The following ZNF354A variants were observed in gnomAD, a reference collection of about 807,000 sequenced individuals.
ZNF354A encodes the protein epididymis luminal protein 104.
A neutral mutation model predicts 53.3 loss-of-function variants in ZNF354A; 25 were observed. The observed-to-expected ratio is 0.47, with a 90% CI of 0.34 to 0.66. The LOEUF is 0.66. Ranked by LOEUF, ZNF354A falls within the 30% of genes least tolerant of loss-of-function variation. The probability of loss-of-function intolerance (pLI) is 0.01; values close to 1 mark genes in which losing one functional copy is unlikely to be tolerated. For missense variants in ZNF354A, 586 were observed against 716.8 expected, an observed-to-expected ratio of 0.82 and a Z score of 2.08; for synonymous variants, 228 against 249.0, an observed-to-expected ratio of 0.92 and a Z score of 0.79.
intron 2 of ZNF354A, among the ~76,000 whole-genome samples, chr5:178,728,243 A>C (rs1423028842): frequency 6.6e-6 from 1 of 152,220 alleles, no homozygotes; most frequent in South Asian, 2.1e-4. Flanking sequence ...CTACTCTGTA[A>C]AACTGCCTTT....
chr5:178,724,510 C>T (rs1765869105), intron 4 of ZNF354A, among the ~76,000 whole-genome samples: 2 of 152,194 alleles, frequency 1.3e-5, no homozygotes, highest in African/African-American at 4.8e-5. Context: ...CAGGCGTGAG[C>T]CACCGTGCCC....
At chr5:178,716,794 C>T (rs886969526) in intron 4 of ZNF354A, among the ~76,000 whole-genome samples, 9 of 151,950 alleles carry the variant, frequency 5.9e-5, no homozygotes, top group African/African-American at 1.2e-4. Flanking sequence ...AAGCCTGGAA[C>T]GGGGCCGGGC....
At position 178,712,426 on chromosome 5, in the gene ZNF354A, A is replaced by G; in HGVS notation, c.1452T>C (p.His484=). 6.2e-7 allele frequency: 1 copy of G among 1,613,896 alleles called. No homozygotes were observed. Residue 484 remains histidine (H), a synonymous_variant, in exon 5 of 5, where the codon CAT becomes CAC. Coordinates refer to ENST00000335815, the MANE Select transcript of ZNF354A (RefSeq NM_005649.3). The part of the protein sequence containing the change: ...AFRQSSALIQ[H]QRMHTGERPY... ...GTCTTTCTCCAGTATGCATTCTCTG[A>G]TGTTGAATGAGAGCTGAACTCTGTC...
chr5:178,725,308 G>C (rs527708116), intron 4 of ZNF354A, 68 bp downstream of exon 4: 1 of 1,495,548 alleles, frequency 6.7e-7, no homozygotes, highest in East Asian at 2.3e-5. Flanking sequence ...CCCAACCAAC[G>C]TTCCTACCTC....
chr5:178,714,835 C>T (rs910871706), intron 4 of ZNF354A, among the ~76,000 whole-genome samples: 1 of 152,194 alleles, frequency 6.6e-6, no homozygotes, highest in African/African-American at 2.4e-5. Flanking sequence ...TAGAAGTTGC[C>T]TCCTAGGCCA....
intron 4 of ZNF354A, among the ~76,000 whole-genome samples, chr5:178,716,897 G>A (rs868392839): frequency 2.0e-5 from 3 of 151,926 alleles, no homozygotes; most frequent in South Asian, 2.1e-4. Flanking sequence ...TGGCCAACAC[G>A]GTGAAATCTG....
intron 4 of ZNF354A, among the ~76,000 whole-genome samples, chr5:178,724,307 C>T (rs1765865013): frequency 6.6e-6 from 1 of 151,852 alleles, no homozygotes; most frequent in Non-Finnish European, 1.5e-5. Flanking sequence ...TCACTGCAAC[C>T]TCCGCCTCCC....
chr5:178,716,197 A>G lies in ZNF354A; in HGVS notation c.257-2576T>C, dbSNP rs567412302. On this transcript the variant is annotated intron_variant, in intron 4 of 4. Transcript: ENST00000335815. ...AGGTGTGAGCCATCATGCCCGGCCA[A>G]TCTTTCTAAGATCAATATTTTACTA... 1.7e-4 allele frequency among the ~76,000 whole-genome samples: 26 copies of G among 152,078 alleles called. No homozygotes were observed. The South Asian group carries it at 4.8e-3, about 28-fold the overall frequency.
At chr5:178,721,799 GAGC>G (rs992119420) in intron 4 of ZNF354A, among the ~76,000 whole-genome samples, 2 of 152,074 alleles carry the variant, frequency 1.3e-5, no homozygotes, top group African/African-American at 4.8e-5. Context: ...CTACTCAAAA[GAGC>G]AGTTCAGATG....
In ZNF354A at chr5:178,727,041, G is replaced by C; in HGVS notation, c.118C>G (p.Arg40Gly). The change falls in exon 3 of 5, where the codon CGG becomes GGG. Residue 40 changes from arginine to glycine, a missense_variant. Around this residue, in one of 2 missense-constraint regions of ZNF354A, gnomAD observed 573 missense variants for 680.1 expected, o/e 0.84. Coordinates refer to ENST00000335815, the MANE Select transcript of ZNF354A (RefSeq NM_005649.3). ...CTATAGTTCTCCAGCATCACATCCC[G>C]GTACAAGTTTCTCTGAGAAGGGGCC... ...KLAPSQRNLY[R>G]DVMLENYRNL... 1.2e-6 allele frequency: 2 copies of C among 1,613,868 alleles called. No homozygotes were observed. Among genetic ancestry groups the C allele is most frequent in the African/African-American group, 1.3e-5 (1 of 75,012 alleles).
rs779464801 is a variant in ZNF354A at position 178,727,064 on chromosome 5, G to A, written c.95C>T (p.Ala32Val). The A allele has an allele frequency of 9.3e-6, 15 of 1,613,920 alleles. No homozygotes were observed. Among genetic ancestry groups the A allele is most frequent in the Non-Finnish European group, 1.3e-5 (15 of 1,179,956 alleles). Reference sequence around the variant, plus strand: ...CCGGTACAAGTTTCTCTGAGAAGGGGCCAGCTTTCTCCACTCATCTCGGGT... The same window carrying A: ...CCGGTACAAGTTTCTCTGAGAAGGGACCAGCTTTCTCCACTCATCTCGGGT... The part of the protein sequence containing the change: ...LFTRDEWRKL[A>V]PSQRNLYRDV... The change falls in exon 3 of 5, where the codon GCC becomes GTC. Residue 32 changes from alanine (A) to valine (V), a missense_variant. Transcript: ENST00000335815.
chr5:178,717,772 A>C (rs1581744051), intron 4 of ZNF354A, among the ~76,000 whole-genome samples: 1 of 152,202 alleles, frequency 6.6e-6, no homozygotes, highest in South Asian at 2.1e-4. Flanking sequence ...AAGAAGAATA[A>C]TATCAGGAGA....
chr5:178,711,702 A>G lies in ZNF354A; in HGVS notation c.*358T>C, dbSNP rs180838535. The G allele has an allele frequency of 3.8e-3, 652 of 172,742 alleles. 9 individuals are homozygous for G. The highest frequency in any genetic ancestry group is 0.015 in the African/African-American group (633 of 42,184). The allele number at this position is 172,742 out of a possible 1,614,324, so 10.7% of individuals were successfully genotyped here. On this transcript the variant is annotated 3_prime_UTR_variant, in exon 5 of 5. Transcript: ENST00000335815. ...ATATTACCAGTTTGGTGGTCTTCTA[A>G]TGAGAAATCTAAAGCACACCTCCCC... is the stretch of plus-strand genomic sequence containing the variant.
chr5:178,714,923 C>T (rs1765686857), intron 4 of ZNF354A, among the ~76,000 whole-genome samples: 2 of 152,150 alleles, frequency 1.3e-5, no homozygotes, highest in African/African-American at 4.8e-5. Context: ...ACAAGAGGTG[C>T]CACAAGACAG....
Position 178,713,571 on chromosome 5 carries a change from A to C in ZNF354A, c.307T>G (p.Ser103Ala). ...CTTTTCAGTATCAGTCCCTGAAATGAAGAGTCTTGTGTTTGCGTTGACTTT... is the reference window on the plus strand; with the variant it reads ...CTTTTCAGTATCAGTCCCTGAAATGCAGAGTCTTGTGTTTGCGTTGACTTT... ...TTKSTQTQDS[S>A]FQGLILKRSN... is the part of the protein sequence containing the mutation. Residue 103 changes from serine to alanine, a missense_variant, in exon 5 of 5, where the codon TCA becomes GCA. Physicochemically the swap from Ser to Ala is moderately conservative, Grantham distance 99. Coordinates refer to ENST00000335815, the MANE Select transcript of ZNF354A (RefSeq NM_005649.3). 1 of 1,601,708 alleles carries C rather than the reference A, an allele frequency of 6.2e-7. No individual in the cohort carries two copies. Among genetic ancestry groups the C allele is most frequent in the Non-Finnish European group, 8.5e-7 (1 of 1,177,546 alleles).
In ZNF354A at chr5:178,713,411, T is replaced by C. The variant is rs1561615822; in HGVS notation, c.467A>G (p.Glu156Gly). The C allele has an allele frequency of 2.5e-6, 4 of 1,613,358 alleles. No individual in the cohort carries two copies. The highest frequency in any genetic ancestry group is 3.4e-6 in the Non-Finnish European group (4 of 1,179,894). The part of the protein sequence containing the change: ...SATHKKIPTI[E>G]RSHKNTELSQ... The stretch of plus-strand genomic sequence containing the variant: ...CAATTCAGTATTTTTATGGCTTCTT[T>C]CTATAGTGGGGATTTTTTTGTGGGT... Residue 156 changes from glutamate (E) to glycine (G), a missense_variant, in exon 5 of 5, where the codon GAA becomes GGA. Around this residue, in one of 2 missense-constraint regions of ZNF354A, gnomAD observed 573 missense variants for 680.1 expected, o/e 0.84. Coordinates refer to ENST00000335815, the MANE Select transcript of ZNF354A (RefSeq NM_005649.3).
In ZNF354A at chr5:178,724,264, G is replaced by A. The variant is rs868218352; in HGVS notation, c.256+1112C>T. 3.6e-4 allele frequency among the ~76,000 whole-genome samples: 53 copies of A among 148,730 alleles called. 1 individual carries two copies. Among genetic ancestry groups the A allele is most frequent in the Non-Finnish European group, 2.4e-4 (16 of 67,464 alleles). ...TTTTAAGACAGAGTCTCACTCTGTC[G>A]CCAAGGCTGGAGTGAAGTGGCGCAA... On this transcript the variant is annotated intron_variant, in intron 4 of 4. Transcript: ENST00000335815.
chr5:178,723,224 G>A (rs932223687), intron 4 of ZNF354A, among the ~76,000 whole-genome samples: 1 of 152,258 alleles, frequency 6.6e-6, no homozygotes, highest in African/African-American at 2.4e-5. Flanking sequence ...CAGGGGCTGT[G>A]GGGACCGAGG....
In ZNF354A at chr5:178,713,354, A is replaced by C. The variant is rs775280733; in HGVS notation, c.524T>G (p.Ile175Ser). Reference sequence around the variant, plus strand: ...TTCTCTGGGAAGTATCTGTTGCCTAATAAGCACTGACTTTGGGCTGAAGTT... The same window carrying C: ...TTCTCTGGGAAGTATCTGTTGCCTACTAAGCACTGACTTTGGGCTGAAGTT... Reference protein sequence around the residue: ...SQNFSPKSVLIRQQILPREKT... With the variant: ...SQNFSPKSVLSRQQILPREKT... The change falls in exon 5 of 5, where the codon ATT becomes AGT. Residue 175 changes from isoleucine to serine, a missense_variant. Ile to Ser is a moderately radical substitution (Grantham distance 142). Around this residue, in one of 2 missense-constraint regions of ZNF354A, gnomAD observed 573 missense variants for 680.1 expected, o/e 0.84. Transcript: ENST00000335815. 1.1e-5 allele frequency: 17 copies of C among 1,614,034 alleles called. No individual in the cohort carries two copies. The Middle Eastern group carries it at 1.3e-3, about 125-fold the overall frequency.
Sources: allele counts gnomAD v4.1 joint callset (sites outside exome capture counted in the v4.1 genomes callset), GRCh38; gene constraint gnomAD v4.1.1; regional missense constraint gnomAD v4.1.1; transcripts MANE v1.5; gene names NCBI Gene and HGNC (gene_info 2026-07-23, HGNC 2026-07-21).